Variants in RHBDL3 observed in about 807,000 individuals in gnomAD.
RHBDL3 encodes rhomboid-related protein 3.
A neutral mutation model predicts 48.2 loss-of-function variants in RHBDL3; 28 were observed. That is an observed-to-expected ratio of 0.58 (90% confidence interval 0.43 to 0.80). RHBDL3 has a LOEUF of 0.80. Among genes scored for constraint, RHBDL3 ranks in the 30% least tolerant of loss-of-function variants. The pLI is 0.00. For synonymous variants in RHBDL3, 208 were observed against 232.3 expected, an observed-to-expected ratio of 0.90 and a Z score of 0.95; for missense variants, 464 against 542.7, an observed-to-expected ratio of 0.85 and a Z score of 1.44.
chr17:32,290,724 T>A (rs148461582), intron 4 of RHBDL3, among the ~76,000 whole-genome samples: 20 of 152,238 alleles, frequency 1.3e-4, no homozygotes, highest in Non-Finnish European at 2.6e-4. Flanking sequence ...AAGAATTGGC[T>A]GAGTGCAGTG....
At chr17:32,280,295 C>T (rs1293278074) in intron 2 of RHBDL3, 2 of 152,470 alleles carry the variant, frequency 1.3e-5, no homozygotes, top group African/African-American at 4.8e-5. Context: ...CCCACCCAGC[C>T]CAGACCCCAT....
chr17:32,289,972 A>T (rs2040289350), intron 4 of RHBDL3, among the ~76,000 whole-genome samples: 1 of 152,198 alleles, frequency 6.6e-6, no homozygotes, highest in Non-Finnish European at 1.5e-5. Flanking sequence ...TCATCCAAGT[A>T]CATGTTGAAG....
At chr17:32,277,928 C>T (rs1030656333) in intron 2 of RHBDL3, among the ~76,000 whole-genome samples, 1 of 152,192 alleles carries the variant, frequency 6.6e-6, no homozygotes, top group African/African-American at 2.4e-5. Context: ...AGAGGTTTTT[C>T]CACTTGTAGG....
intron 2 of RHBDL3, among the ~76,000 whole-genome samples, chr17:32,279,714 G>A (rs1323742046): frequency 2.0e-5 from 3 of 152,132 alleles, no homozygotes; most frequent in Non-Finnish European, 2.9e-5. Flanking sequence ...TTATGTGCAC[G>A]GGGTGGGTGG....
chr17:32,314,656 G>A (rs778204312), intron 7 of RHBDL3, among the ~76,000 whole-genome samples: 5 of 152,174 alleles, frequency 3.3e-5, no homozygotes, highest in Admixed American at 6.5e-5. Flanking sequence ...TGGCTACTTG[G>A]CAGTGGGTGT....
At chr17:32,278,166 G>A (rs890286104) in intron 2 of RHBDL3, among the ~76,000 whole-genome samples, 3 of 152,114 alleles carry the variant, frequency 2.0e-5, no homozygotes, top group African/African-American at 7.2e-5. Context: ...GGGTGTGGTG[G>A]TGGGTGCTGT....
At chr17:32,285,175 G>A (rs1321634203) in intron 3 of RHBDL3, among the ~76,000 whole-genome samples, 1 of 152,126 alleles carries the variant, frequency 6.6e-6, no homozygotes, top group Admixed American at 6.5e-5. Flanking sequence ...AGAGAGAAGA[G>A]GAGGGGAGGG....
At chr17:32,282,558 T>G (rs1211158525) in intron 2 of RHBDL3, among the ~76,000 whole-genome samples, 1 of 152,124 alleles carries the variant, frequency 6.6e-6, no homozygotes, top group Non-Finnish European at 1.5e-5. Context: ...AAGAGTGAGA[T>G]CCTGTCTAAA....
At chr17:32,270,867 A>G (rs1165936262) in intron 2 of RHBDL3, among the ~76,000 whole-genome samples, 1 of 152,108 alleles carries the variant, frequency 6.6e-6, no homozygotes, top group Non-Finnish European at 1.5e-5. Context: ...TTTACCATAA[A>G]TATTAGTCTG....
At chr17:32,294,034 A>C (rs1009418622) in intron 4 of RHBDL3, among the ~76,000 whole-genome samples, 1 of 151,566 alleles carries the variant, frequency 6.6e-6, no homozygotes, top group Non-Finnish European at 1.5e-5. Context: ...AGGCTGAGGC[A>C]GGAGAATCGC....
intron 2 of RHBDL3, among the ~76,000 whole-genome samples, chr17:32,272,549 T>C (rs551289086): frequency 1.3e-5 from 2 of 152,290 alleles, no homozygotes; most frequent in African/African-American, 4.8e-5. Context: ...ACTGGAGCCC[T>C]TGGGCTCTGC....
At chr17:32,296,397 G>A (rs1237441880) in intron 5 of RHBDL3, among the ~76,000 whole-genome samples, 1 of 141,220 alleles carries the variant, frequency 7.1e-6, no homozygotes, top group African/African-American at 2.6e-5. Context: ...GTGCAGTGGC[G>A]CGATCTTGGC....
In RHBDL3 at chr17:32,266,345, G is replaced by T. The variant is rs926473511; in HGVS notation, c.111+45G>T. ...CCGGCAAACTTTCTAGGGGGCGCCG[G>T]GGGGAAAAGCCGCCCCTGTCTCGCC... On this transcript the variant is annotated intron_variant, in intron 1 of 8. Transcript: ENST00000269051. The T allele has an allele frequency of 2.3e-5, 25 of 1,100,022 alleles. 1 individual carries two copies. In the African/African-American group the frequency reaches 3.6e-4, roughly 16 times the overall value. The allele number at this position is 1,100,022 out of a possible 1,614,324, so 68.1% of individuals were successfully genotyped here.
At chr17:32,312,367 C>A (rs2040864315) in intron 7 of RHBDL3, among the ~76,000 whole-genome samples, 1 of 152,112 alleles carries the variant, frequency 6.6e-6, no homozygotes, top group Non-Finnish European at 1.5e-5. Flanking sequence ...CCCAGAAGGT[C>A]AAGGCTGCAG....
rs1371125532 is a variant in RHBDL3, at chr17:32,321,413, G to A, written c.*184G>A. ...GAGACCCTTTTCTGAAAGGCATCTGGCGGAGGAGTTGATGTGGCTGCTGTC... is the reference window on the plus strand; with the variant it reads ...GAGACCCTTTTCTGAAAGGCATCTGACGGAGGAGTTGATGTGGCTGCTGTC... On this transcript the variant is annotated 3_prime_UTR_variant, in exon 9 of 9. Coordinates refer to ENST00000269051, the MANE Select transcript of RHBDL3 (RefSeq NM_138328.3). 2 of 1,516,428 alleles carry A rather than the reference G, an allele frequency of 1.3e-6. No individual in the cohort carries two copies. The highest frequency in any genetic ancestry group is 2.8e-5 in the African/African-American group (2 of 72,500). The allele number at this position is 1,516,428 out of a possible 1,614,324, so 93.9% of individuals were successfully genotyped here.
At chr17:32,307,123 GGTCTGAA>G (rs879802375) in intron 7 of RHBDL3, among the ~76,000 whole-genome samples, 11 of 151,986 alleles carry the variant, frequency 7.2e-5, no homozygotes, top group African/African-American at 1.2e-4. Context: ...TTTTGGAGGC[GGTCTGAA>G]GTCTGAAGGC....
chr17:32,280,838 G>A (rs2040024226), intron 2 of RHBDL3: 1 of 152,602 alleles, frequency 6.6e-6, no homozygotes, highest in Admixed American at 6.5e-5. Context: ...TGCTCTCTCT[G>A]GCTCTCTCTG....
rs898438905 is a variant in RHBDL3, at chr17:32,268,041, G to C, written c.135+116G>C. 6 of 827,320 alleles carry C rather than the reference G, an allele frequency of 7.3e-6. No homozygotes were observed. In the African/African-American group the frequency reaches 8.4e-5, roughly 12 times the overall value. 51.2% of individuals were successfully genotyped at this position (827,320 alleles called of 1,614,324 possible). ...CTCCTGAGATGGTGACGTGGGGTGG[G>C]GGTGTGGCTTTGTGCATCTCTAGGG... On this transcript the variant is annotated intron_variant, in intron 2 of 8. Transcript: ENST00000269051.
At chr17:32,277,803 A>G (rs1436077293) in intron 2 of RHBDL3, among the ~76,000 whole-genome samples, 2 of 152,254 alleles carry the variant, frequency 1.3e-5, no homozygotes, top group African/African-American at 2.4e-5. Flanking sequence ...CTGTGAAAAA[A>G]TACTACGACC....
Sources: gnomAD v4.1 joint callset for allele counts (sites outside exome capture counted in the v4.1 genomes callset) on GRCh38, gnomAD v4.1.1 for gene constraint, MANE v1.5 for transcripts, NCBI Gene and HGNC (gene_info 2026-07-23, HGNC 2026-07-21) for gene names.